The following DTNA variants were observed in gnomAD, a reference collection of about 807,000 sequenced individuals.
DTNA encodes dystrobrevin alpha.
DTNA carries 43 observed loss-of-function variants against 100.7 expected under a neutral mutation model. That is an observed-to-expected ratio of 0.43 (90% CI 0.33 to 0.55). The LOEUF (loss-of-function observed/expected upper bound fraction) is 0.55. Among genes scored for constraint, DTNA ranks in the 20% least tolerant of loss-of-function variants. The pLI is 0.04. For missense variants in DTNA, 798 were observed against 953.9 expected (o/e 0.84, Z 2.15); for synonymous variants, 349 against 347.9 (o/e 1.00, Z -0.04).
At chr18:34,603,052 A>AAAAG (rs902190888) in intron 1 of DTNA, among the ~76,000 whole-genome samples, 10 of 151,680 alleles carry the variant, frequency 6.6e-5, no homozygotes, top group Non-Finnish European at 1.5e-4. Context: ...TTAATTTTAA[A>AAAAG]AAAGAAAGAA....
At chr18:34,830,509 A>G (rs1161260382) in intron 11 of DTNA, among the ~76,000 whole-genome samples, 1 of 152,140 alleles carries the variant, frequency 6.6e-6, no homozygotes, top group African/African-American at 2.4e-5. Context: ...TCTACTTCAC[A>G]CAGATTTATG....
intron 1 of DTNA, among the ~76,000 whole-genome samples, chr18:34,677,432 TA>T (rs35084081): frequency 0.068 from 10,306 of 152,226 alleles, 428 homozygotes; most frequent in African/African-American, 0.078. Flanking sequence ...AGCCAAATCC[TA>T]AGAGGTCCCT....
chr18:34,716,290 C>T (rs902159695), intron 1 of DTNA, among the ~76,000 whole-genome samples: 8 of 152,132 alleles, frequency 5.3e-5, no homozygotes, highest in Non-Finnish European at 1.0e-4. Flanking sequence ...GGCCGGGCAC[C>T]GTGGCTCACA....
At chr18:34,595,582 T>TA (rs1350810963) in intron 1 of DTNA, among the ~76,000 whole-genome samples, 1 of 152,244 alleles carries the variant, frequency 6.6e-6, no homozygotes, top group Non-Finnish European at 1.5e-5. Context: ...AGTTTTATAA[T>TA]CTATTTCTGA....
intron 1 of DTNA, among the ~76,000 whole-genome samples, chr18:34,728,952 T>C (rs781109856): frequency 6.6e-6 from 1 of 151,852 alleles, no homozygotes; most frequent in Non-Finnish European, 1.5e-5. Flanking sequence ...GCCAAGTGGG[T>C]GGGGTATTCT....
chr18:34,599,597 C>T (rs539301836), intron 1 of DTNA, among the ~76,000 whole-genome samples: 7 of 152,214 alleles, frequency 4.6e-5, no homozygotes, highest in African/African-American at 1.7e-4. Flanking sequence ...TGAAAAATTC[C>T]ATATCCCTTC....
At chr18:34,516,950 G>A (rs1477100136) in intron 1 of DTNA, among the ~76,000 whole-genome samples, 1 of 152,138 alleles carries the variant, frequency 6.6e-6, no homozygotes, top group African/African-American at 2.4e-5. Flanking sequence ...TAAGAGTATT[G>A]ATTGGGGAAG....
intron 3 of DTNA, among the ~76,000 whole-genome samples, chr18:34,769,700 GAAGAAGC>G (rs199590368): frequency 0.014 from 2,025 of 141,648 alleles, 22 homozygotes; most frequent in Non-Finnish European, 0.023. Flanking sequence ...TCTCATGGTG[GAAGAAGC>G]AAGGCAGCCC....
At chr18:34,782,349 A>G (rs766368685) in intron 3 of DTNA, among the ~76,000 whole-genome samples, 4 of 152,170 alleles carry the variant, frequency 2.6e-5, no homozygotes, top group Non-Finnish European at 4.4e-5. Flanking sequence ...CAAAATATAC[A>G]TGACCCTGAG....
In DTNA at chr18:34,820,895, A is replaced by C. The variant is rs2095697912; in HGVS notation, c.981A>C (p.Pro327=). ...HPMFPDQPEK[P]LNLAHIVPPR... is the part of the protein sequence containing the mutation. Reference sequence around the variant, plus strand: ...TGTTCCCAGATCAGCCTGAGAAGCCACTCAACTTGGCTCACATCGTGTGAG... The same window carrying C: ...TGTTCCCAGATCAGCCTGAGAAGCCCCTCAACTTGGCTCACATCGTGTGAG... The change falls in exon 9 of 23, where the codon CCA becomes CCC. Residue 327 remains proline, a synonymous_variant. Transcript: ENST00000444659. The C allele has an allele frequency of 6.2e-7, 1 of 1,613,948 alleles. No individual in the cohort carries two copies. The highest frequency in any genetic ancestry group is 8.5e-7 in the Non-Finnish European group (1 of 1,179,990).
chr18:34,713,090 T>C (rs1274568123), intron 1 of DTNA, among the ~76,000 whole-genome samples: 2 of 152,004 alleles, frequency 1.3e-5, no homozygotes, highest in Admixed American at 6.5e-5. Flanking sequence ...ATGAAAAGAA[T>C]TGGATTTTTT....
At chr18:34,837,989 T>C in intron 11 of DTNA, 105 bp from the exon 12 acceptor site, 1 of 990,616 alleles carries the variant, frequency 1.0e-6, no homozygotes, top group Non-Finnish European at 1.6e-6. Context: ...GAGATCTGTC[T>C]AAATGAAACT....
At chr18:34,591,074 T>C (rs2049670885) in intron 1 of DTNA, among the ~76,000 whole-genome samples, 1 of 152,192 alleles carries the variant, frequency 6.6e-6, no homozygotes, top group Non-Finnish European at 1.5e-5. Context: ...TATTATAGTT[T>C]ACTCATTACT....
chr18:34,589,793 A>G (rs983174121), intron 1 of DTNA, among the ~76,000 whole-genome samples: 2 of 151,898 alleles, frequency 1.3e-5, no homozygotes, highest in African/African-American at 4.8e-5. Context: ...CCTGGTAACT[A>G]TTGCTTTACT....
Position 34,553,945 on chromosome 18 carries a change from T to A in DTNA, c.-2+60431T>A, listed in dbSNP as rs761542719. On this transcript the variant is annotated intron_variant, in intron 1 of 19. Transcript: ENST00000283365. ...CATTGGTAGCTTGATGGGGATGGCATTGAATCTGTAAATTACCTTGGGCAG... is the reference window on the plus strand; with the variant it reads ...CATTGGTAGCTTGATGGGGATGGCAATGAATCTGTAAATTACCTTGGGCAG... Among the ~76,000 whole-genome samples, 1,199 of 150,166 alleles carry A rather than the reference T, an allele frequency of 8.0e-3. 10 individuals carry two copies. The highest frequency in any genetic ancestry group is 0.013 in the Non-Finnish European group (868 of 66,884).
At chr18:34,503,825 A>AGTTT (rs779277941) in intron 1 of DTNA, among the ~76,000 whole-genome samples, 6 of 150,028 alleles carry the variant, frequency 4.0e-5, no homozygotes, top group Non-Finnish European at 8.9e-5. Flanking sequence ...CACTGTACAG[A>AGTTT]GTTTGTTTGT....
chr18:34,747,440 C>T (rs369549838), intron 1 of DTNA, among the ~76,000 whole-genome samples: 1 of 152,008 alleles, frequency 6.6e-6, no homozygotes, highest in East Asian at 1.9e-4. Flanking sequence ...GTGCACCCGT[C>T]ACCTGAGCAG....
At chr18:34,692,067 A>G (rs2079851702) in intron 1 of DTNA, among the ~76,000 whole-genome samples, 2 of 152,144 alleles carry the variant, frequency 1.3e-5, no homozygotes, top group Admixed American at 1.3e-4. Context: ...TTTCTTCTGA[A>G]TTTTTCATCA....
chr18:34,833,404 C>CTGTGTG lies in DTNA; in HGVS notation c.1175+3942_1175+3947dup, dbSNP rs58409064. Among the ~76,000 whole-genome samples, 243 of 144,998 alleles carry CTGTGTG rather than the reference C, an allele frequency of 1.7e-3. 1 individual carries two copies. Among genetic ancestry groups the CTGTGTG allele is most frequent in the African/African-American group, 4.0e-3 (158 of 39,774 alleles). On this transcript the variant is annotated intron_variant, in intron 11 of 22. Coordinates refer to ENST00000444659, the MANE Select transcript of DTNA (RefSeq NM_001386795.1). ...TACTTTTCCAGAACCCATTGTGTCA[C>CTGTGTG]TGTGTGTGTGTGTGTGTGTGTGTGT...
Sources: gnomAD v4.1 joint callset for allele counts (sites outside exome capture counted in the v4.1 genomes callset) on GRCh38, gnomAD v4.1.1 for gene constraint, MANE v1.5 for transcripts, NCBI Gene and HGNC (gene_info 2026-07-23, HGNC 2026-07-21) for gene names.